Variants in PTPN13 observed in about 807,000 individuals in gnomAD.
PTPN13 encodes the protein tyrosine-protein phosphatase non-receptor type 13.
In PTPN13, 191 loss-of-function variants were observed where a neutral mutation model predicts 284.0. That is an observed-to-expected ratio of 0.67 (90% CI 0.60 to 0.76). The LOEUF (loss-of-function observed/expected upper bound fraction) is 0.76, where lower values mean the gene tolerates loss of function less well. Among genes scored for constraint, PTPN13 ranks in the 30% least tolerant of loss-of-function variants. The pLI, the probability that PTPN13 is intolerant of heterozygous loss-of-function variation, is 0.00. For synonymous variants in PTPN13, 986 were observed against 1,022.3 expected, an observed-to-expected ratio of 0.96 and a Z score of 0.68; for missense variants, 2,797 against 2,939.9, an observed-to-expected ratio of 0.95 and a Z score of 1.12.
intron 1 of PTPN13, among the ~76,000 whole-genome samples, chr4:86,599,913 C>T (rs1411863385): frequency 2.0e-5 from 3 of 152,086 alleles, no homozygotes; most frequent in Admixed American, 6.6e-5. Flanking sequence ...TTGTGTACTG[C>T]AAGTTTCAGG....
chr4:86,693,209 A>C (rs954055741), intron 5 of PTPN13, among the ~76,000 whole-genome samples: 4 of 152,196 alleles, frequency 2.6e-5, no homozygotes, highest in African/African-American at 9.6e-5. Flanking sequence ...TATTATACCA[A>C]AATTAATGTG....
intron 3 of PTPN13, among the ~76,000 whole-genome samples, chr4:86,675,934 T>A (rs1032615602): frequency 1.3e-5 from 2 of 152,196 alleles, no homozygotes; most frequent in Admixed American, 1.3e-4. Context: ...CTCTGATAAA[T>A]TAATCTTGAT....
At chr4:86,760,047 A>AAATT (rs1554335572) in intron 23 of PTPN13, among the ~76,000 whole-genome samples, 2 of 152,196 alleles carry the variant, frequency 1.3e-5, no homozygotes, top group Non-Finnish European at 2.9e-5. Context: ...AACATGTTAT[A>AAATT]TGTTGTGATA....
intron 9 of PTPN13, among the ~76,000 whole-genome samples, chr4:86,719,868 A>T (rs751043250): frequency 6.6e-6 from 1 of 151,988 alleles, no homozygotes; most frequent in Non-Finnish European, 1.5e-5. Context: ...TGGGTATTAG[A>T]CCTTTGTCAG....
chr4:86,602,702 T>TA (rs1169291239), intron 1 of PTPN13, among the ~76,000 whole-genome samples: 2 of 151,866 alleles, frequency 1.3e-5, no homozygotes, highest in African/African-American at 4.8e-5. Flanking sequence ...TGATTTTTTT[T>TA]TTTTTTTTGA....
At chr4:86,799,455 G>A (rs184541421) in intron 42 of PTPN13, among the ~76,000 whole-genome samples, 3 of 151,382 alleles carry the variant, frequency 2.0e-5, no homozygotes, top group Admixed American at 6.6e-5. Context: ...CCTCAGCCTC[G>A]AGTAGCTGGG....
At chr4:86,730,122 C>G (rs1734765484) in intron 10 of PTPN13, among the ~76,000 whole-genome samples, 1 of 149,672 alleles carries the variant, frequency 6.7e-6, no homozygotes, top group African/African-American at 2.4e-5. Flanking sequence ...GAGGTCCACT[C>G]CAGACCCTGT....
chr4:86,676,080 A>G (rs1728245154), intron 3 of PTPN13, among the ~76,000 whole-genome samples: 1 of 152,176 alleles, frequency 6.6e-6, no homozygotes, highest in African/African-American at 2.4e-5. Flanking sequence ...ACCGAACTTG[A>G]CCAAAAAACA....
intron 2 of PTPN13, among the ~76,000 whole-genome samples, chr4:86,647,621 C>G (rs1724591994): frequency 6.6e-6 from 1 of 152,022 alleles, no homozygotes; most frequent in East Asian, 1.9e-4. Flanking sequence ...TTGTGTTCCT[C>G]AAACATTCAT....
intron 1 of PTPN13, among the ~76,000 whole-genome samples, chr4:86,612,338 T>C (rs1041235439): frequency 2.0e-5 from 3 of 152,170 alleles, no homozygotes; most frequent in African/African-American, 7.2e-5. Flanking sequence ...ATAAATACAT[T>C]AAAAGTTTTA....
At chr4:86,751,624 A>G (rs186107120) in intron 19 of PTPN13, among the ~76,000 whole-genome samples, 2 of 152,222 alleles carry the variant, frequency 1.3e-5, no homozygotes, top group East Asian at 3.9e-4. Context: ...CCAGTCTGTT[A>G]GCTTCTCTTG....
chr4:86,652,779 A>G (rs189059195), intron 2 of PTPN13, among the ~76,000 whole-genome samples: 65 of 152,084 alleles, frequency 4.3e-4, no homozygotes, highest in South Asian at 3.9e-3. Flanking sequence ...TGATCTTTTC[A>G]TACTTGGATA....
chr4:86,778,412 G>A (rs1042928485), intron 35 of PTPN13, among the ~76,000 whole-genome samples: 10 of 152,204 alleles, frequency 6.6e-5, no homozygotes, highest in Non-Finnish European at 1.2e-4. Context: ...TCAGTTCCAC[G>A]TCTTCCAAGT....
intron 26 of PTPN13, among the ~76,000 whole-genome samples, chr4:86,765,914 G>A (rs935213445): frequency 3.3e-5 from 5 of 151,540 alleles, no homozygotes; most frequent in African/African-American, 1.2e-4. Context: ...TGCAACCTCC[G>A]CCTCCTGGGT....
rs573784141 is a variant in PTPN13 at position 86,743,726 on chromosome 4, A to G, written c.2488-1240A>G. On this transcript the variant is annotated intron_variant, in intron 16 of 47. Coordinates refer to ENST00000411767, the MANE Select transcript of PTPN13 (RefSeq NM_080683.3). ...ATAAGAAAAGTCCATTGAAAAATTT[A>G]TAAATAACCAAGGCTAGAAATTGTA... Among the ~76,000 whole-genome samples the G allele has an allele frequency of 5.9e-5, 9 of 152,330 alleles. No homozygotes were observed. The South Asian group carries it at 1.2e-3, about 21-fold the overall frequency.
At chr4:86,699,795 T>C (rs1730962366) in intron 6 of PTPN13, among the ~76,000 whole-genome samples, 1 of 152,226 alleles carries the variant, frequency 6.6e-6, no homozygotes, top group Non-Finnish European at 1.5e-5. Flanking sequence ...TTCAAGAATA[T>C]CTCTGTTCTC....
chr4:86,712,364 C>T (rs1056306782), intron 7 of PTPN13, among the ~76,000 whole-genome samples: 8 of 150,824 alleles, frequency 5.3e-5, no homozygotes, highest in Non-Finnish European at 8.9e-5. Context: ...CTCAGAGAAC[C>T]AAGAAATGTT....
At chr4:86,728,411 G>GAGTGTTAA (rs1281927610) in intron 10 of PTPN13, among the ~76,000 whole-genome samples, 1 of 148,610 alleles carries the variant, frequency 6.7e-6, no homozygotes, top group Non-Finnish European at 1.5e-5. Context: ...ACTGACAATG[G>GAGTGTTAA]AGTGTTAAAG....
chr4:86,762,826 A>G lies in PTPN13; in HGVS notation c.3653A>G (p.His1218Arg). The change falls in exon 24 of 48, where the codon CAC (histidine) becomes CGC (arginine). Residue 1218 changes from histidine to arginine, a missense_variant. His to Arg is a conservative substitution (Grantham distance 29). Transcript: ENST00000411767. ...DSAIDSSSKD[H>R]HWSRGTLRHI... The stretch of plus-strand genomic sequence containing the variant: ...GCTATAGATTCTTCTTCCAAGGATC[A>G]CCACTGGTCACGTGGTACCCTGAGG... The G allele has an allele frequency of 6.2e-7, 1 of 1,613,928 alleles. No homozygotes were observed. Among genetic ancestry groups the G allele is most frequent in the Non-Finnish European group, 8.5e-7 (1 of 1,179,832 alleles).
Sources: gnomAD v4.1 joint callset for allele counts (sites outside exome capture counted in the v4.1 genomes callset) on GRCh38, gnomAD v4.1.1 for gene constraint, MANE v1.5 for transcripts, NCBI Gene and HGNC (gene_info 2026-07-23, HGNC 2026-07-21) for gene names.